KDM7A: variants seen among roughly 807,000 people sequenced by gnomAD.
The protein encoded by KDM7A is lysine demethylase 7A.
A neutral mutation model predicts 114.8 loss-of-function variants in KDM7A; 28 were observed. The observed-to-expected ratio is 0.24, with a 90% CI of 0.18 to 0.33. The LOEUF (loss-of-function observed/expected upper bound fraction) is 0.33. Ranked by LOEUF, KDM7A falls within the 10% of genes least tolerant of loss-of-function variation. The pLI, the probability that KDM7A is intolerant of heterozygous loss-of-function variation, is 1.00. For missense variants in KDM7A, 942 were observed against 1,142.5 expected (o/e 0.82, Z 2.53); for synonymous variants, 423 against 397.8 (o/e 1.06, Z -0.75).
chr7:140,129,781 C>T (rs760565630), intron 3 of KDM7A, 128 bp from the exon 4 acceptor site: 19 of 605,328 alleles, frequency 3.1e-5, no homozygotes, highest in Non-Finnish European at 5.2e-5. Context: ...TATCACTTCT[C>T]ATTCTTTTAA....
Position 140,139,194 on chromosome 7 carries a change from A to G in KDM7A, c.195-4T>C. The G allele has an allele frequency of 6.2e-7, 1 of 1,609,480 alleles. No homozygotes were observed. The highest frequency in any genetic ancestry group is 8.5e-7 in the Non-Finnish European group (1 of 1,176,564). ...ATGTTCTTCTACTCCAACACAGCTA[A>G]GACAAAGGAAACCAAAATCAGTATG... On this transcript the variant is annotated splice_region_variant and splice_polypyrimidine_tract_variant and intron_variant, in intron 1 of 19. Transcript: ENST00000397560.
intron 1 of KDM7A, among the ~76,000 whole-genome samples, chr7:140,158,307 T>C (rs2116845189): frequency 6.6e-6 from 1 of 152,288 alleles, no homozygotes; most frequent in African/African-American, 2.4e-5. Flanking sequence ...GGAGGCTACT[T>C]CAATAAGCCC....
At chr7:140,127,944 C>G (rs1818732387) in intron 4 of KDM7A, among the ~76,000 whole-genome samples, 1 of 152,084 alleles carries the variant, frequency 6.6e-6, no homozygotes, top group African/African-American at 2.4e-5. Context: ...GTCTGGATTT[C>G]AGTTTTCTCA....
In KDM7A at chr7:140,096,019, C is replaced by T. The variant is rs147241245; in HGVS notation, c.2374+536G>A. ...TTTTAATATAGTACTATCTTCTCCC[C>T]GGTCCTCCTCAGGCTTTTTGGGATA... On this transcript the variant is annotated intron_variant, in intron 17 of 19. Transcript: ENST00000397560. 3.4e-4 allele frequency among the ~76,000 whole-genome samples: 51 copies of T among 152,214 alleles called. 1 individual carries two copies. Among genetic ancestry groups the T allele is most frequent in the Middle Eastern group, 6.8e-3 (2 of 294 alleles).
chr7:140,096,095 A>C (rs549487920), intron 17 of KDM7A, among the ~76,000 whole-genome samples: 2 of 152,280 alleles, frequency 1.3e-5, no homozygotes, highest in South Asian at 4.1e-4. Context: ...TGGCATGCCT[A>C]ACACTGCCAC....
chr7:140,130,851 CT>C (rs574245274), intron 3 of KDM7A, among the ~76,000 whole-genome samples: 1,450 of 97,214 alleles, frequency 0.015, 3 homozygotes, highest in Non-Finnish European at 0.023. Flanking sequence ...TTTAATAAGT[CT>C]TTTTTTTTTT....
Position 140,094,046 on chromosome 7 carries a change from T to G in KDM7A, c.2457+10A>C. 1 of 1,501,080 alleles carries G rather than the reference T, an allele frequency of 6.7e-7. No individual in the cohort carries two copies. Among genetic ancestry groups the G allele is most frequent in the Non-Finnish European group, 9.3e-7 (1 of 1,077,300 alleles). 93.0% of individuals were successfully genotyped at this position (1,501,080 alleles called of 1,614,324 possible). A position where few individuals can be genotyped will look rare whatever the true frequency, so the allele number is the denominator to read the frequency against. On this transcript the variant is annotated intron_variant, in intron 18 of 19. Coordinates refer to ENST00000397560, the MANE Select transcript of KDM7A (RefSeq NM_030647.2). ...AAATCTCCTTTTAACGTTTCAAACT[T>G]TGAATATACCTGAGGATGAAATCTG...
intron 18 of KDM7A, among the ~76,000 whole-genome samples, chr7:140,093,433 T>G (rs900335931): frequency 3.9e-5 from 6 of 152,234 alleles, no homozygotes; most frequent in African/African-American, 1.4e-4. Context: ...TGATTTACTT[T>G]CTTTCTTATG....
intron 1 of KDM7A, among the ~76,000 whole-genome samples, chr7:140,149,023 C>A (rs1794371575): frequency 6.6e-6 from 1 of 152,116 alleles, no homozygotes; most frequent in African/African-American, 2.4e-5. Context: ...TTCCTACCTC[C>A]AACAGCAGGG....
At chr7:140,175,245 T>C (rs766602944) in intron 1 of KDM7A, among the ~76,000 whole-genome samples, 3 of 152,212 alleles carry the variant, frequency 2.0e-5, no homozygotes, top group Non-Finnish European at 4.4e-5. Context: ...AAGTAAAACT[T>C]AACTACACCT....
At chr7:140,114,017 G>A (rs1818473213) in intron 9 of KDM7A, among the ~76,000 whole-genome samples, 1 of 152,068 alleles carries the variant, frequency 6.6e-6, no homozygotes, top group Non-Finnish European at 1.5e-5. Flanking sequence ...ATAAAAGGAT[G>A]GGAAAAAGAT....
chr7:140,164,267 C>CG (rs1268487620), intron 1 of KDM7A, among the ~76,000 whole-genome samples: 2 of 152,058 alleles, frequency 1.3e-5, no homozygotes, highest in Non-Finnish European at 2.9e-5. Flanking sequence ...TTTGCAAGGA[C>CG]GGGGGGAGGG....
In KDM7A at chr7:140,174,270, C is replaced by T. The variant is rs985289835; in HGVS notation, c.194+2474G>A. 2.0e-5 allele frequency among the ~76,000 whole-genome samples: 3 copies of T among 152,106 alleles called. No homozygotes were observed. The South Asian group carries it at 6.2e-4, about 32-fold the overall frequency. Reference sequence around the variant, plus strand: ...ATTTTCTAACTTTTGACATCTGAACCACATAAGTTTCAAGGATTGATGGTC... The same window carrying T: ...ATTTTCTAACTTTTGACATCTGAACTACATAAGTTTCAAGGATTGATGGTC... On this transcript the variant is annotated intron_variant, in intron 1 of 19. Transcript: ENST00000397560.
chr7:140,130,605 G>A (rs994961462), intron 3 of KDM7A, among the ~76,000 whole-genome samples: 1 of 151,730 alleles, frequency 6.6e-6, no homozygotes, highest in African/African-American at 2.4e-5. Context: ...TGAGTGACAA[G>A]AGCAAAACTC....
At chr7:140,144,472 C>A (rs1383299226) in intron 1 of KDM7A, among the ~76,000 whole-genome samples, 1 of 151,962 alleles carries the variant, frequency 6.6e-6, no homozygotes, top group Non-Finnish European at 1.5e-5. Context: ...CAAAAGCACA[C>A]GGGACAAAAG....
intron 9 of KDM7A, among the ~76,000 whole-genome samples, chr7:140,114,734 C>T (rs1300987987): frequency 6.6e-6 from 1 of 151,848 alleles, no homozygotes; most frequent in East Asian, 2.0e-4. Flanking sequence ...AGCGTCTCTG[C>T]CCGGCCGCCC....
chr7:140,121,300 T>C (rs1022147393), intron 7 of KDM7A, among the ~76,000 whole-genome samples: 1 of 152,238 alleles, frequency 6.6e-6, no homozygotes, highest in Non-Finnish European at 1.5e-5. Flanking sequence ...ACTTCAAGAC[T>C]TCACCAGAAA....
intron 1 of KDM7A, among the ~76,000 whole-genome samples, chr7:140,163,410 G>A (rs6964762): frequency 0.35 from 52,532 of 151,910 alleles, 9,344 homozygotes; most frequent in Middle Eastern, 0.43. Flanking sequence ...TCAGCTTCCC[G>A]AGTAGCTAGG....
Position 140,133,708 on chromosome 7 carries a change from T to C in KDM7A, c.281-52A>G, listed in dbSNP as rs754006293. On this transcript the variant is annotated intron_variant, in intron 2 of 19. Coordinates refer to ENST00000397560, the MANE Select transcript of KDM7A (RefSeq NM_030647.2). ...ATGATTTTGGTAACTGGTGATACTA[T>C]GTGATTTCTAATCATTATATCCGAC... is the stretch of plus-strand genomic sequence containing the variant. The C allele has an allele frequency of 8.4e-6, 8 of 954,512 alleles. No homozygotes were observed. The Admixed American group carries it at 1.0e-4, about 12-fold the overall frequency. The allele number at this position is 954,512 out of a possible 1,614,324, so 59.1% of individuals were successfully genotyped here. A position where few individuals can be genotyped will look rare whatever the true frequency, so the allele number is the denominator to read the frequency against.
Sources: allele counts gnomAD v4.1 joint callset (sites outside exome capture counted in the v4.1 genomes callset), GRCh38; gene constraint gnomAD v4.1.1; transcripts MANE v1.5; gene names NCBI Gene and HGNC (gene_info 2026-07-23, HGNC 2026-07-21).